Variants in PEX14 observed in about 807,000 individuals in gnomAD.
PEX14 encodes peroxisomal biogenesis factor 14.
PEX14 carries 15 observed loss-of-function variants against 49.5 expected under a neutral mutation model. That is an observed-to-expected ratio of 0.30 (90% CI 0.20 to 0.47). PEX14 has a LOEUF of 0.47. PEX14 is among the 20% of genes least tolerant of loss of function. The probability of loss-of-function intolerance (pLI) is 1.00; values close to 1 mark genes in which losing one functional copy is unlikely to be tolerated. For missense variants in PEX14, 398 were observed against 494.8 expected (o/e 0.80, Z 1.86); for synonymous variants, 210 against 212.7 (o/e 0.99, Z 0.11).
chr1:10,623,275 A>G lies in PEX14; in HGVS notation c.487+154A>G. 1.5e-6 allele frequency: 1 copy of G among 661,072 alleles called. No homozygotes were observed. 41.0% of individuals were successfully genotyped at this position (661,072 alleles called of 1,614,324 possible). A position where few individuals can be genotyped will look rare whatever the true frequency, so the allele number is the denominator to read the frequency against. Reference sequence around the variant, plus strand: ...CACATTTGCAAATGAAGCCGCCGTCATTTCGGTTTAATTTGAAATTGCTTG... The same window carrying G: ...CACATTTGCAAATGAAGCCGCCGTCGTTTCGGTTTAATTTGAAATTGCTTG... On this transcript the variant is annotated intron_variant, in intron 6 of 8. Coordinates refer to ENST00000356607, the MANE Select transcript of PEX14 (RefSeq NM_004565.3). The surrounding 1 kb of genome is among the most constrained non-coding windows in gnomAD (Gnocchi z 4.4).
chr1:10,523,702 C>CA (rs1022266045), intron 2 of PEX14, among the ~76,000 whole-genome samples: 23 of 150,672 alleles, frequency 1.5e-4, no homozygotes, highest in African/African-American at 3.7e-4. Flanking sequence ...GTACATAAAC[C>CA]AAAAAAAGGC....
At position 10,484,230 on chromosome 1, in the gene PEX14, G is replaced by T. The variant is rs139017436; in HGVS notation, c.36+9228G>T. ...TTTTTGAATTTTTAGTAGAGACAAG[G>T]TTTCACCATGTTGGCCAGAGTGGTC... is the stretch of plus-strand genomic sequence containing the variant. On this transcript the variant is annotated intron_variant, in intron 1 of 8. Coordinates refer to ENST00000356607, the MANE Select transcript of PEX14 (RefSeq NM_004565.3). 2.9e-4 allele frequency among the ~76,000 whole-genome samples: 44 copies of T among 151,526 alleles called. 3 individuals carry two copies. The highest frequency in any genetic ancestry group is 9.0e-4 in the African/African-American group (37 of 40,974).
chr1:10,547,466 G>A (rs1427388107), intron 3 of PEX14, among the ~76,000 whole-genome samples: 1 of 152,132 alleles, frequency 6.6e-6, no homozygotes, highest in African/African-American at 2.4e-5. Flanking sequence ...GTTAGTCCCC[G>A]CCTTAACCAC....
intron 4 of PEX14, among the ~76,000 whole-genome samples, chr1:10,602,763 A>C (rs1376629690): frequency 2.0e-5 from 3 of 152,192 alleles, no homozygotes; most frequent in Non-Finnish European, 4.4e-5. Context: ...AAGCAAACTC[A>C]GGGGAGTTTC....
At chr1:10,507,289 G>C (rs879638961) in intron 2 of PEX14, among the ~76,000 whole-genome samples, 1 of 152,246 alleles carries the variant, frequency 6.6e-6, no homozygotes, top group Non-Finnish European at 1.5e-5. Flanking sequence ...GGTGTGGACC[G>C]CGCTGTCAGG....
At chr1:10,575,351 G>A (rs1640091282) in intron 3 of PEX14, among the ~76,000 whole-genome samples, 1 of 151,978 alleles carries the variant, frequency 6.6e-6, no homozygotes, top group Non-Finnish European at 1.5e-5. Context: ...ATAAATCACA[G>A]GCAAAAAGTA....
chr1:10,563,785 G>GCA (rs1639723407), intron 3 of PEX14, among the ~76,000 whole-genome samples: 3 of 151,536 alleles, frequency 2.0e-5, no homozygotes, highest in Non-Finnish European at 2.9e-5. Context: ...GGTGGCGGGT[G>GCA]CCTGTAGTTC....
At chr1:10,544,383 A>G (rs1639107484) in intron 3 of PEX14, among the ~76,000 whole-genome samples, 1 of 152,182 alleles carries the variant, frequency 6.6e-6, no homozygotes. Context: ...TCTTTGAACT[A>G]TACCACGTAC....
chr1:10,483,294 T>A (rs1641313744), intron 1 of PEX14, among the ~76,000 whole-genome samples: 1 of 152,184 alleles, frequency 6.6e-6, no homozygotes, highest in Admixed American at 6.6e-5. Context: ...GTGCTAGGAT[T>A]ACAGGTGTGA....
intron 1 of PEX14, among the ~76,000 whole-genome samples, chr1:10,479,647 T>C (rs2124367735): frequency 6.6e-6 from 1 of 152,222 alleles, no homozygotes; most frequent in East Asian, 1.9e-4. Context: ...TCTGTGGAGG[T>C]TCACTGGGTA....
intron 3 of PEX14, among the ~76,000 whole-genome samples, chr1:10,592,605 T>C (rs1341682336): frequency 6.6e-6 from 1 of 152,142 alleles, no homozygotes; most frequent in Non-Finnish European, 1.5e-5. Flanking sequence ...GTTTCCTCCT[T>C]ATGTGGAAGG....
intron 4 of PEX14, among the ~76,000 whole-genome samples, chr1:10,607,193 A>G (rs955980806): frequency 2.6e-5 from 4 of 151,800 alleles, no homozygotes; most frequent in Non-Finnish European, 1.5e-5. Flanking sequence ...TGTTGCCGAG[A>G]TTCACCCAAA....
intron 3 of PEX14, among the ~76,000 whole-genome samples, chr1:10,587,337 C>A (rs1640522958): frequency 6.6e-6 from 1 of 152,004 alleles, no homozygotes; most frequent in African/African-American, 2.4e-5. Context: ...CTCCTGTAAT[C>A]CCAGCTTCTC....
rs149918543 is a variant in PEX14, at chr1:10,477,349, C to T, written c.36+2347C>T. Among the ~76,000 whole-genome samples the T allele has an allele frequency of 5.2e-3, 789 of 152,282 alleles. 6 individuals are homozygous for T. Among genetic ancestry groups the T allele is most frequent in the Non-Finnish European group, 7.7e-3 (526 of 68,018 alleles). The stretch of plus-strand genomic sequence containing the variant: ...CCTCCCAAAGTGCTGGGATTACAGG[C>T]GTGAGCTGCAGTGCCTGGCCAAAAC... On this transcript the variant is annotated intron_variant, in intron 1 of 8. Transcript: ENST00000356607.
intron 2 of PEX14, chr1:10,524,314 T>G: frequency 5.0e-6 from 1 of 198,138 alleles, no homozygotes; most frequent in Non-Finnish European, 9.1e-6. Context: ...TCTTACCTTA[T>G]GAACAGTATG....
At chr1:10,538,956 CT>C (rs1020323779) in intron 3 of PEX14, among the ~76,000 whole-genome samples, 1 of 152,038 alleles carries the variant, frequency 6.6e-6, no homozygotes, top group African/African-American at 2.4e-5. Flanking sequence ...TCTTGACTTT[CT>C]TTTTTTTAAT....
rs1641652672 is a variant in PEX14, at chr1:10,623,445, G to T, written c.487+324G>T. On this transcript the variant is annotated intron_variant, in intron 6 of 8. Transcript: ENST00000356607. The surrounding 1 kb of genome is among the most constrained non-coding windows in gnomAD (Gnocchi z 4.4). ...TCTGCTTCTATGAGGTTTTCAGGGG[G>T]GTTTTCAGTGATTTTCCCCCTTCCC... Among the ~76,000 whole-genome samples, 1 of 152,092 alleles carries T rather than the reference G, an allele frequency of 6.6e-6. No individual in the cohort carries two copies. Among genetic ancestry groups the T allele is most frequent in the African/African-American group, 2.4e-5 (1 of 41,404 alleles).
In PEX14 at chr1:10,537,312, C is replaced by T. The variant is rs147281567; in HGVS notation, c.169+1015C>T. 5.2e-3 allele frequency among the ~76,000 whole-genome samples: 693 copies of T among 133,570 alleles called. 26 individuals carry two copies. Among genetic ancestry groups the T allele is most frequent in the African/African-American group, 0.019 (659 of 34,688 alleles). The allele number at this position is 133,570 out of a possible 152,430, so 87.6% of individuals were successfully genotyped here. On this transcript the variant is annotated intron_variant, in intron 3 of 8. Coordinates refer to ENST00000356607, the MANE Select transcript of PEX14 (RefSeq NM_004565.3). Reference sequence around the variant, plus strand: ...GACAGAGTTGGTAAGGAGCACTGCACGGCTGCTCACTGGCTGCATTGTGCC... The same window carrying T: ...GACAGAGTTGGTAAGGAGCACTGCATGGCTGCTCACTGGCTGCATTGTGCC...
chr1:10,493,190 T>G (rs1222926105), intron 1 of PEX14, among the ~76,000 whole-genome samples: 1 of 152,198 alleles, frequency 6.6e-6, no homozygotes, highest in South Asian at 2.1e-4. Flanking sequence ...TTCTGTCTTC[T>G]AAGAGCAAGG....
Sources: gnomAD v4.1 joint callset for allele counts (sites outside exome capture counted in the v4.1 genomes callset) on GRCh38, gnomAD v4.1.1 for gene constraint, Gnocchi (gnomAD v3.1) non-coding constraint, MANE v1.5 for transcripts, NCBI Gene and HGNC (gene_info 2026-07-23, HGNC 2026-07-21) for gene names.